Variants in SREK1 observed in about 807,000 individuals in gnomAD.
SREK1 encodes splicing regulatory glutamine/lysine-rich protein 1.
A neutral mutation model predicts 66.5 loss-of-function variants in SREK1; 13 were observed. The ratio of observed to expected loss-of-function variants is 0.20; its 90% CI spans 0.13 to 0.31. SREK1 has a LOEUF of 0.31. Among genes scored for constraint, SREK1 ranks in the 10% least tolerant of loss-of-function variants. SREK1 has a pLI of 1.00. For synonymous variants in SREK1, 265 were observed against 263.5 expected, an observed-to-expected ratio of 1.01 and a Z score of -0.05; for missense variants, 607 against 769.6, an observed-to-expected ratio of 0.79 and a Z score of 2.50.
chr5:66,176,535 T>C (rs1168123652), intron 10 of SREK1, among the ~76,000 whole-genome samples: 1 of 152,116 alleles, frequency 6.6e-6, no homozygotes, highest in Admixed American at 6.6e-5. Context: ...ATAAACAGGT[T>C]TATTAATAAA....
rs1328730749 is a variant in SREK1, at chr5:66,177,810, T to TA, written c.1725+159dup. On this transcript the variant is annotated intron_variant, in intron 11 of 11. Transcript: ENST00000334121. The stretch of plus-strand genomic sequence containing the variant: ...TATTTAAAATATTTAATTGGTAATT[T>TA]AAAAAAACTAAATGTTGAAGAGATA... 16 of 597,656 alleles carry TA rather than the reference T, an allele frequency of 2.7e-5. No individual in the cohort carries two copies. The South Asian group carries it at 4.6e-4, about 17-fold the overall frequency. The allele number at this position is 597,656 out of a possible 1,614,324, so 37.0% of individuals were successfully genotyped here.
chr5:66,145,294 T>A lies in SREK1; in HGVS notation c.161+757T>A, dbSNP rs192214989. The A allele has an allele frequency of 5.4e-5, 23 of 423,420 alleles. No individual in the cohort carries two copies. The Admixed American group carries it at 1.3e-3, about 25-fold the overall frequency. 26.2% of individuals were successfully genotyped at this position (423,420 alleles called of 1,614,324 possible). ...TAGTGTATTTTGGAATGGTAAAATTTCCCTCGTACGATATTATTTAGAAAA... is the reference window on the plus strand; with the variant it reads ...TAGTGTATTTTGGAATGGTAAAATTACCCTCGTACGATATTATTTAGAAAA... On this transcript the variant is annotated intron_variant, in intron 1 of 11. Transcript: ENST00000334121.
rs554166078 is a variant in SREK1 at position 66,162,404 on chromosome 5, G to A, written c.577-10G>A. 1.9e-6 allele frequency: 3 copies of A among 1,613,086 alleles called. No individual in the cohort carries two copies. The highest frequency in any genetic ancestry group is 2.2e-5 in the South Asian group (2 of 90,904). On this transcript the variant is annotated splice_polypyrimidine_tract_variant and intron_variant, in intron 4 of 11. Transcript: ENST00000334121. The stretch of plus-strand genomic sequence containing the variant: ...ATATATTTTATCAAAGTGTCACTTT[G>A]TTCCCTTAGACAACGACAGCTGATC...
At chr5:66,154,969 G>A (rs1744155828) in intron 2 of SREK1, among the ~76,000 whole-genome samples, 1 of 152,150 alleles carries the variant, frequency 6.6e-6, no homozygotes, top group Non-Finnish European at 1.5e-5. Context: ...TATTAAACTG[G>A]AATATTAATT....
chr5:66,156,583 T>C, intron 2 of SREK1: 1 of 985,610 alleles, frequency 1.0e-6, no homozygotes. Context: ...TTCTAGTTTT[T>C]TTCCCCCCTA....
rs1426610162 is a variant in SREK1, at chr5:66,183,479, A to T, written c.*4611A>T. 6.6e-6 allele frequency: 1 copy of T among 152,184 alleles called. No homozygotes were observed. The highest frequency in any genetic ancestry group is 2.4e-5 in the African/African-American group (1 of 41,452). The allele number at this position is 152,184 out of a possible 1,614,324, so 9.4% of individuals were successfully genotyped here. On this transcript the variant is annotated 3_prime_UTR_variant, in exon 12 of 12. Coordinates refer to ENST00000334121, the MANE Select transcript of SREK1 (RefSeq NM_001077199.3). ...TAGATTATCAAGGGAAGAGTTTGGA[A>T]TGTAAACATAAACATGCTGCATAGG... is the stretch of plus-strand genomic sequence containing the variant.
chr5:66,145,707 G>A (rs1276876606), intron 1 of SREK1, among the ~76,000 whole-genome samples: 1 of 150,472 alleles, frequency 6.6e-6, no homozygotes, highest in African/African-American at 2.5e-5. Context: ...CATTTTGTCT[G>A]TTTTTGGCTA....
In SREK1 at chr5:66,170,672, G is replaced by A. The variant is rs1310463596; in HGVS notation, c.1209G>A (p.Lys403=). The change falls in exon 9 of 12, where the codon AAG becomes AAA. Residue 403 remains lysine (K), a synonymous_variant. Coordinates refer to ENST00000334121, the MANE Select transcript of SREK1 (RefSeq NM_001077199.3). The part of the protein sequence containing the change: ...KDREKERERE[K]EREKEKERGK... ...GGGAAAAGGAGAGAGAGAGGGAAAAGGAACGTGAAAAAGAAAAGGAACGGG... is the reference window on the plus strand; with the variant it reads ...GGGAAAAGGAGAGAGAGAGGGAAAAAGAACGTGAAAAAGAAAAGGAACGGG... The A allele has an allele frequency of 1.1e-5, 17 of 1,612,724 alleles. No individual in the cohort carries two copies. The highest frequency in any genetic ancestry group is 1.7e-5 in the Admixed American group (1 of 59,716).
rs1371064098 is a variant in SREK1, at chr5:66,156,282, T to C, written c.295+2686T>C. The C allele has an allele frequency of 1.6e-5, 21 of 1,321,004 alleles. No homozygotes were observed. The Admixed American group carries it at 6.3e-4, about 40-fold the overall frequency. The allele number at this position is 1,321,004 out of a possible 1,614,324, so 81.8% of individuals were successfully genotyped here. A position where few individuals can be genotyped will look rare whatever the true frequency, so the allele number is the denominator to read the frequency against. On this transcript the variant is annotated intron_variant, in intron 2 of 11. Coordinates refer to ENST00000334121, the MANE Select transcript of SREK1 (RefSeq NM_001077199.3). Reference sequence around the variant, plus strand: ...CCTTTTTTTGTTTTTGTTTTTGTTTTTGTTTTGTTAAATCTCTTTCACTTT... The same window carrying C: ...CCTTTTTTTGTTTTTGTTTTTGTTTCTGTTTTGTTAAATCTCTTTCACTTT...
chr5:66,150,629 A>G (rs1483681938), intron 1 of SREK1, among the ~76,000 whole-genome samples: 1 of 152,194 alleles, frequency 6.6e-6, no homozygotes, highest in East Asian at 1.9e-4. Context: ...TGATTTCTTA[A>G]AAGCTGTTAA....
In SREK1 at chr5:66,181,676, A is replaced by G. The variant is rs191705953; in HGVS notation, c.*2808A>G. ...AAGCTAGTGCATAAGTTTTGTGTCA[A>G]AACTTTTAAATCCTGAAGTTCTGCA... On this transcript the variant is annotated 3_prime_UTR_variant, in exon 12 of 12. Coordinates refer to ENST00000334121, the MANE Select transcript of SREK1 (RefSeq NM_001077199.3). 2.0e-3 allele frequency: 304 copies of G among 152,292 alleles called. 2 individuals carry two copies. Among genetic ancestry groups the G allele is most frequent in the African/African-American group, 7.1e-3 (294 of 41,556 alleles). 9.4% of individuals were successfully genotyped at this position (152,292 alleles called of 1,614,324 possible).
chr5:66,176,683 C>T (rs920118618), intron 10 of SREK1, among the ~76,000 whole-genome samples: 26 of 151,860 alleles, frequency 1.7e-4, no homozygotes, highest in Non-Finnish European at 3.2e-4. Context: ...AATATTTCAT[C>T]GTTTGTTTCA....
intron 11 of SREK1, 77 bp from the exon 12 acceptor site, chr5:66,178,642 A>T: frequency 7.2e-7 from 1 of 1,386,664 alleles, no homozygotes; most frequent in East Asian, 2.4e-5. Context: ...GCAAAAGATA[A>T]AGTTTCACAT....
chr5:66,153,406 A>T (rs927806677), intron 1 of SREK1, 57 bp from the exon 2 acceptor site: 1 of 1,567,954 alleles, frequency 6.4e-7, no homozygotes, highest in Non-Finnish European at 8.6e-7. Context: ...TTTAAGTGAA[A>T]ATGATAAAAC....
intron 1 of SREK1, 176 bp downstream of exon 1, chr5:66,144,713 G>A: frequency 7.6e-7 from 1 of 1,318,092 alleles, no homozygotes. Flanking sequence ...GCTCTCCTTA[G>A]TCGGATTTGG....
rs1745580484 is a variant in SREK1 at position 66,170,783 on chromosome 5, G to T, written c.1320G>T (p.Glu440Asp). The T allele has an allele frequency of 3.1e-6, 5 of 1,606,238 alleles. No homozygotes were observed. The highest frequency in any genetic ancestry group is 1.1e-5 in the South Asian group (1 of 90,194). Residue 440 changes from glutamate (E) to aspartate (D), a missense_variant, in exon 9 of 12, where the codon GAG becomes GAT. Glu to Asp is a conservative substitution (Grantham distance 45). Around this residue, in one of 5 missense-constraint regions of SREK1, gnomAD observed 318 missense variants for 310.3 expected, o/e 1.02. Coordinates refer to ENST00000334121, the MANE Select transcript of SREK1 (RefSeq NM_001077199.3). ...ACAGAGAGAGAGAACGGGAAAAAGA[G>T]CATGAGAAGGATCGAGACAAAGAGA... ...EKDREREREK[E>D]HEKDRDKEKE...
intron 6 of SREK1, 175 bp from the exon 7 acceptor site, chr5:66,164,608 G>C: frequency 6.5e-7 from 1 of 1,531,622 alleles, no homozygotes; most frequent in Non-Finnish European, 8.8e-7. Context: ...ACTGCTGCAG[G>C]GTGGCTGCAC....
At chr5:66,169,972 T>C in intron 7 of SREK1, 79 bp from the exon 8 acceptor site, 1 of 1,206,014 alleles carries the variant, frequency 8.3e-7, no homozygotes, top group Non-Finnish European at 1.1e-6. Context: ...TGTTAAATAC[T>C]GTTAGGATAG....
chr5:66,170,547 T>C (rs1745547139), intron 8 of SREK1, 38 bp from the exon 9 acceptor site: 2 of 1,562,402 alleles, frequency 1.3e-6, no homozygotes, highest in Non-Finnish European at 1.7e-6. Flanking sequence ...GAGGTAGAAC[T>C]ATTTTAGTTA....
Sources: gnomAD v4.1 joint callset for allele counts (sites outside exome capture counted in the v4.1 genomes callset) on GRCh38, gnomAD v4.1.1 for gene constraint, gnomAD v4.1.1 regional missense constraint, MANE v1.5 for transcripts, NCBI Gene and HGNC (gene_info 2026-07-23, HGNC 2026-07-21) for gene names.